Variants in PTPN9 observed in about 807,000 individuals in gnomAD.
PTPN9 encodes the protein protein tyrosine phosphatase non-receptor type 9.
A neutral mutation model predicts 69.8 loss-of-function variants in PTPN9; 26 were observed. The observed-to-expected ratio is 0.37, with a 90% CI of 0.27 to 0.52. PTPN9 has a LOEUF of 0.52. PTPN9 is among the 20% of genes least tolerant of loss of function. The pLI, the probability that PTPN9 is intolerant of heterozygous loss-of-function variation, is 0.91. For synonymous variants in PTPN9, 274 were observed against 272.5 expected (o/e 1.01, Z -0.05); for missense variants, 549 against 740.3 (o/e 0.74, Z 3.00).
chr15:75,575,355 G>T (rs567328248), intron 1 of PTPN9, among the ~76,000 whole-genome samples: 1 of 152,006 alleles, frequency 6.6e-6, no homozygotes, highest in African/African-American at 2.4e-5. Context: ...TGTGTAAACC[G>T]AATTTGATCC....
At chr15:75,480,705 C>T (rs1354831943) in intron 8 of PTPN9, 7 of 1,317,928 alleles carry the variant, frequency 5.3e-6, no homozygotes, top group Admixed American at 3.5e-5. Flanking sequence ...CACCGCCGCC[C>T]CACAGCCGGG....
intron 9 of PTPN9, among the ~76,000 whole-genome samples, chr15:75,477,293 A>G (rs2074601420): frequency 1.3e-5 from 2 of 152,216 alleles, no homozygotes; most frequent in Admixed American, 1.3e-4. Context: ...TCAATAGATG[A>G]CATCATTAAT....
intron 1 of PTPN9, among the ~76,000 whole-genome samples, chr15:75,537,177 C>G (rs1595964224): frequency 6.6e-6 from 1 of 151,124 alleles, no homozygotes; most frequent in African/African-American, 2.4e-5. Flanking sequence ...TATGGCAAAA[C>G]TCCGTCTCTA....
intron 1 of PTPN9, among the ~76,000 whole-genome samples, chr15:75,573,099 T>C (rs1355360260): frequency 2.0e-5 from 3 of 152,208 alleles, no homozygotes; most frequent in African/African-American, 4.8e-5. Context: ...GGAAGTAATG[T>C]AGTGTAAAAG....
chr15:75,561,426 G>GA (rs559713224), intron 1 of PTPN9, among the ~76,000 whole-genome samples: 139 of 143,494 alleles, frequency 9.7e-4, no homozygotes, highest in Admixed American at 2.2e-3. Context: ...AACAGAAAAG[G>GA]AAAAAAAAAA....
At chr15:75,493,983 A>C (rs1292026124) in intron 7 of PTPN9, among the ~76,000 whole-genome samples, 1 of 151,934 alleles carries the variant, frequency 6.6e-6, no homozygotes, top group Non-Finnish European at 1.5e-5. Context: ...TTTTGTAAAT[A>C]ATGTTTTATT....
chr15:75,553,545 G>A (rs2075064361), intron 1 of PTPN9, among the ~76,000 whole-genome samples: 1 of 152,068 alleles, frequency 6.6e-6, no homozygotes, highest in African/African-American at 2.4e-5. Flanking sequence ...TCCAACCAAA[G>A]CTACCTGACA....
chr15:75,558,376 ACACG>A (rs2075086603), intron 1 of PTPN9, among the ~76,000 whole-genome samples: 1 of 151,654 alleles, frequency 6.6e-6, no homozygotes, highest in Non-Finnish European at 1.5e-5. Flanking sequence ...GCGTGGTGGC[ACACG>A]CCTGTAATCC....
At chr15:75,476,716 T>G (rs1286605639) in intron 9 of PTPN9, among the ~76,000 whole-genome samples, 3 of 152,176 alleles carry the variant, frequency 2.0e-5, no homozygotes, top group East Asian at 3.8e-4. Flanking sequence ...CCTAGGGTTA[T>G]GAGGGATTAT....
rs1164644727 is a variant in PTPN9 at position 75,537,753 on chromosome 15, C to CAAAAAAAAAAAAAAAAAAAAAAAAAA, written c.64-10493_64-10492insTTTTTTTTTTTTTTTTTTTTTTTTTT. On this transcript the variant is annotated intron_variant, in intron 1 of 12. Transcript: ENST00000618819. ...AGGGCAACAGAGGGAGACTCCATCT[C>CAAAAAAAAAAAAAAAAAAAAAAAAAA]AAAAAAAAAAAAAAAAAAAAAAAGG... Among the ~76,000 whole-genome samples the CAAAAAAAAAAAAAAAAAAAAAAAAAA allele has an allele frequency of 6.1e-4, 7 of 11,386 alleles. 1 individual carries two copies. The highest frequency in any genetic ancestry group is 9.4e-4 in the Admixed American group (1 of 1,060). 7.5% of individuals were successfully genotyped at this position (11,386 alleles called of 152,430 possible).
Position 75,517,274 on chromosome 15 carries a change from G to T in PTPN9, c.513C>A (p.Val171=). 4.3e-6 allele frequency: 7 copies of T among 1,613,218 alleles called. No individual in the cohort carries two copies. The highest frequency in any genetic ancestry group is 5.9e-6 in the Non-Finnish European group (7 of 1,179,262). Residue 171 remains valine, a synonymous_variant, in exon 5 of 13, where the codon GTC becomes GTA. Coordinates refer to ENST00000618819, the MANE Select transcript of PTPN9 (RefSeq NM_002833.4). ...ANFELDLGKK[V]LNLLKGAFPA... ...ATAGCCTTACCTTCAGCAGGTTTAG[G>T]ACTTTCTTGCCAAGATCCAGCTCAA...
At chr15:75,504,820 G>A (rs1437967084) in intron 7 of PTPN9, among the ~76,000 whole-genome samples, 1 of 134,468 alleles carries the variant, frequency 7.4e-6, no homozygotes, top group African/African-American at 3.1e-5. Context: ...CCCCCCGCCT[G>A]GCCAGCCGCC....
intron 2 of PTPN9, among the ~76,000 whole-genome samples, chr15:75,525,773 G>GC (rs1339545100): frequency 6.6e-6 from 1 of 151,328 alleles, no homozygotes. Flanking sequence ...CAAAAAATTA[G>GC]CCAGGTATGG....
chr15:75,526,675 TC>T (rs1382573803), intron 2 of PTPN9, among the ~76,000 whole-genome samples: 6 of 152,212 alleles, frequency 3.9e-5, no homozygotes, highest in Non-Finnish European at 7.3e-5. Context: ...ACACAGTTGC[TC>T]TTCTTTTCCA....
intron 9 of PTPN9, among the ~76,000 whole-genome samples, chr15:75,475,016 C>A (rs143162610): frequency 6.6e-6 from 1 of 152,178 alleles, no homozygotes; most frequent in Admixed American, 6.5e-5. Flanking sequence ...CTCTGACCAC[C>A]GCATTCCTTG....
Position 75,513,359 on chromosome 15 carries a change from G to C in PTPN9, c.528+3900C>G, listed in dbSNP as rs1456111838. On this transcript the variant is annotated intron_variant, in intron 5 of 12. Transcript: ENST00000618819. ...ATCACACTTCAGTGAAGAGGCCTTTGGAGAAGTTTGTTCTAGATGCTGTAT... is the reference window on the plus strand; with the variant it reads ...ATCACACTTCAGTGAAGAGGCCTTTCGAGAAGTTTGTTCTAGATGCTGTAT... 1.1e-5 allele frequency: 5 copies of C among 456,056 alleles called. 1 individual carries two copies. Among genetic ancestry groups the C allele is most frequent in the South Asian group, 3.1e-5 (2 of 64,562 alleles). 28.3% of individuals were successfully genotyped at this position (456,056 alleles called of 1,614,324 possible). A position where few individuals can be genotyped will look rare whatever the true frequency, so the allele number is the denominator to read the frequency against.
chr15:75,539,897 C>T (rs905062307), intron 1 of PTPN9, among the ~76,000 whole-genome samples: 3 of 152,062 alleles, frequency 2.0e-5, no homozygotes, highest in Admixed American at 2.0e-4. Flanking sequence ...TCTCGAACTC[C>T]TGGCCTCAAG....
At chr15:75,572,477 A>T (rs1004338257) in intron 1 of PTPN9, among the ~76,000 whole-genome samples, 2 of 152,192 alleles carry the variant, frequency 1.3e-5, no homozygotes. Flanking sequence ...GGGGAGGCCA[A>T]GGCAGGCTGA....
At chr15:75,564,936 T>C (rs971464308) in intron 1 of PTPN9, among the ~76,000 whole-genome samples, 2 of 151,636 alleles carry the variant, frequency 1.3e-5, no homozygotes, top group African/African-American at 4.8e-5. Context: ...ACCCCGTCTC[T>C]ACTAAAAATA....
Sources: allele counts gnomAD v4.1 joint callset (sites outside exome capture counted in the v4.1 genomes callset), GRCh38; gene constraint gnomAD v4.1.1; transcripts MANE v1.5; gene names NCBI Gene and HGNC (gene_info 2026-07-23, HGNC 2026-07-21).